The following GRID2 variants were observed in gnomAD, a reference collection of about 807,000 sequenced individuals.
The protein encoded by GRID2 is glutamate receptor ionotropic, delta-2.
In GRID2, 33 loss-of-function variants were observed where a neutral mutation model predicts 114.8. The observed-to-expected ratio is 0.29, with a 90% CI of 0.22 to 0.38. GRID2 has a LOEUF of 0.38. GRID2 is among the 10% of genes least tolerant of loss of function. GRID2 has a pLI of 1.00. For missense variants in GRID2, 1,184 were observed against 1,257.7 expected (o/e 0.94, Z 0.89); for synonymous variants, 505 against 449.9 (o/e 1.12, Z -1.55).
chr4:92,982,046 GAAAAAGA>G (rs1460303015), intron 2 of GRID2, among the ~76,000 whole-genome samples: 10 of 79,612 alleles, frequency 1.3e-4, no homozygotes, highest in African/African-American at 1.7e-4. Context: ...AAAAAAAAAA[GAAAAAGA>G]AAAAAGAAAA....
chr4:93,705,702 T>C (rs967412276), intron 14 of GRID2, among the ~76,000 whole-genome samples: 2 of 152,170 alleles, frequency 1.3e-5, no homozygotes, highest in African/African-American at 2.4e-5. Context: ...ATCCCTTTTG[T>C]TCATTTTTGC....
At chr4:92,925,043 A>C (rs1401250843) in intron 2 of GRID2, among the ~76,000 whole-genome samples, 1 of 152,100 alleles carries the variant, frequency 6.6e-6, no homozygotes, top group Non-Finnish European at 1.5e-5. Context: ...ATATGAATTA[A>C]TCTAAGCAAG....
intron 2 of GRID2, among the ~76,000 whole-genome samples, chr4:92,922,029 C>T (rs1749392177): frequency 6.6e-6 from 1 of 152,206 alleles, no homozygotes; most frequent in African/African-American, 2.4e-5. Flanking sequence ...TGTTTACCTA[C>T]TCAAGCCTGG....
intron 2 of GRID2, among the ~76,000 whole-genome samples, chr4:92,880,015 G>T (rs1484354244): frequency 1.3e-5 from 2 of 152,270 alleles, no homozygotes; most frequent in East Asian, 1.9e-4. Flanking sequence ...AGTTTTGTAT[G>T]TATAAAAATC....
intron 13 of GRID2, among the ~76,000 whole-genome samples, chr4:93,554,581 T>G (rs576745756): frequency 6.6e-6 from 1 of 152,234 alleles, no homozygotes; most frequent in East Asian, 1.9e-4. Flanking sequence ...TATCATTTCT[T>G]TGGTACAAAC....
rs772831675 is a variant in GRID2 at position 92,614,859 on chromosome 4, C to T, written c.244+24573C>T. On this transcript the variant is annotated intron_variant, in intron 2 of 15. Transcript: ENST00000282020. ...GATTCTGTCATCTAGATTTGCCTCG[C>T]ATATTTAGGTCTCAGTTTCAGGTAT... is the stretch of plus-strand genomic sequence containing the variant. Among the ~76,000 whole-genome samples, 4 of 150,940 alleles carry T rather than the reference C, an allele frequency of 2.7e-5. No homozygotes were observed. The South Asian group carries it at 8.3e-4, about 31-fold the overall frequency.
At chr4:93,379,684 A>T (rs1763680951) in intron 8 of GRID2, among the ~76,000 whole-genome samples, 1 of 152,152 alleles carries the variant, frequency 6.6e-6, no homozygotes, top group South Asian at 2.1e-4. Flanking sequence ...TATGGTGATA[A>T]AAAGATGATT....
chr4:92,912,595 T>C lies in GRID2; in HGVS notation c.245-172400T>C, dbSNP rs1018042964. ...GGTACAAATCAGCAAAAAACACTTA[T>C]GTCAATAGAGTTTCAAGAAGTACTT... On this transcript the variant is annotated intron_variant, in intron 2 of 15. Coordinates refer to ENST00000282020, the MANE Select transcript of GRID2 (RefSeq NM_001510.4). Among the ~76,000 whole-genome samples, 11 of 151,894 alleles carry C rather than the reference T, an allele frequency of 7.2e-5. No individual in the cohort carries two copies. The South Asian group carries it at 1.4e-3, about 20-fold the overall frequency.
chr4:93,088,171 G>A lies in GRID2; in HGVS notation c.529+2892G>A, dbSNP rs111463772. ...TTATAATTAAGGGCAAAATATAAATGTCTACTTTAAATTCCTTAACAAAGA... is the reference window on the plus strand; with the variant it reads ...TTATAATTAAGGGCAAAATATAAATATCTACTTTAAATTCCTTAACAAAGA... On this transcript the variant is annotated intron_variant, in intron 3 of 15. Coordinates refer to ENST00000282020, the MANE Select transcript of GRID2 (RefSeq NM_001510.4). Among the ~76,000 whole-genome samples, 362 of 152,204 alleles carry A rather than the reference G, an allele frequency of 2.4e-3. 3 individuals are homozygous for A. Among genetic ancestry groups the A allele is most frequent in the African/African-American group, 8.3e-3 (345 of 41,552 alleles).
At chr4:93,781,739 G>A (rs1275141267) in intron 1 of GRID2, among the ~76,000 whole-genome samples, 1 of 151,988 alleles carries the variant, frequency 6.6e-6, no homozygotes, top group Middle Eastern at 3.2e-3. Context: ...TTGTTATACT[G>A]TACAGTTTAG....
At chr4:92,835,171 C>A in intron 2 of GRID2, among the ~76,000 whole-genome samples, 1 of 136,496 alleles carries the variant, frequency 7.3e-6, no homozygotes, top group Admixed American at 7.7e-5. Context: ...ATAAAAAATA[C>A]AACAAGCAGC....
Position 93,422,979 on chromosome 4 carries a change from CT to C in GRID2, c.1545+14del. The C allele has an allele frequency of 6.4e-7, 1 of 1,563,850 alleles. No homozygotes were observed. The highest frequency in any genetic ancestry group is 8.8e-7 in the Non-Finnish European group (1 of 1,134,634). On this transcript the variant is annotated intron_variant, in intron 10 of 15. Transcript: ENST00000282020. ...GAACTTGTCTTTAAGGTAAGAATTACTTTATTTATTTGTCTCATACTTAAAG... is the reference window on the plus strand; with the variant it reads ...GAACTTGTCTTTAAGGTAAGAATTACTTATTTATTTGTCTCATACTTAAAG...
chr4:92,847,924 G>GTGTATA (rs1249486099), intron 2 of GRID2, among the ~76,000 whole-genome samples: 1 of 151,882 alleles, frequency 6.6e-6, no homozygotes, highest in East Asian at 1.9e-4. Context: ...TGTGCATTCA[G>GTGTATA]TGTATATGTA....
At chr4:93,614,362 A>G (rs1469072425) in intron 13 of GRID2, among the ~76,000 whole-genome samples, 1 of 152,210 alleles carries the variant, frequency 6.6e-6, no homozygotes, top group Non-Finnish European at 1.5e-5. Context: ...TTTAGAGTAC[A>G]AAATGATTTG....
At chr4:93,679,205 A>G (rs1423019816) in intron 14 of GRID2, among the ~76,000 whole-genome samples, 2 of 151,268 alleles carry the variant, frequency 1.3e-5, no homozygotes, top group Non-Finnish European at 2.9e-5. Context: ...TGGTAAAGGG[A>G]TCAATTCAAC....
chr4:93,665,882 A>G (rs1221935663), intron 14 of GRID2, among the ~76,000 whole-genome samples: 1 of 152,118 alleles, frequency 6.6e-6, no homozygotes, highest in Admixed American at 6.6e-5. Context: ...TCCCTCACCC[A>G]TATGAAACCT....
At chr4:93,764,803 C>T (rs1733504402) in intron 14 of GRID2, among the ~76,000 whole-genome samples, 1 of 152,184 alleles carries the variant, frequency 6.6e-6, no homozygotes, top group South Asian at 2.1e-4. Flanking sequence ...TAACTCTTTG[C>T]TCTCTATGAG....
intron 2 of GRID2, among the ~76,000 whole-genome samples, chr4:92,846,738 A>C (rs965736419): frequency 6.6e-6 from 1 of 152,054 alleles, no homozygotes; most frequent in East Asian, 1.9e-4. Flanking sequence ...TCCAGCTTAG[A>C]TTGCACTCCA....
In GRID2 at chr4:92,343,181, T is replaced by A. The variant is rs745463426; in HGVS notation, c.88+38437T>A. Among the ~76,000 whole-genome samples the A allele has an allele frequency of 1.6e-3, 238 of 152,158 alleles. 1 individual carries two copies. Among genetic ancestry groups the A allele is most frequent in the Non-Finnish European group, 3.0e-3 (207 of 67,984 alleles). The stretch of plus-strand genomic sequence containing the variant: ...TTCCTCTGTAAATTTAACTTTTTTG[T>A]AAAACTTCGATTTTCTTCTCTGTGT... On this transcript the variant is annotated intron_variant, in intron 1 of 15. Transcript: ENST00000282020.
Sources: gnomAD v4.1 joint callset for allele counts (sites outside exome capture counted in the v4.1 genomes callset) on GRCh38, gnomAD v4.1.1 for gene constraint, MANE v1.5 for transcripts, NCBI Gene and HGNC (gene_info 2026-07-23, HGNC 2026-07-21) for gene names.